The following SIPA1L3 variants were observed in gnomAD, a reference collection of about 807,000 sequenced individuals.
SIPA1L3 encodes the protein signal induced proliferation associated 1 like 3.
In SIPA1L3, 59 loss-of-function variants were observed where a neutral mutation model predicts 150.1. The observed-to-expected ratio is 0.39, with a 90% CI of 0.32 to 0.49. The LOEUF (loss-of-function observed/expected upper bound fraction) is 0.49. SIPA1L3 is among the 20% of genes least tolerant of loss of function. The pLI is 0.86. For synonymous variants in SIPA1L3, 1,070 were observed against 1,077.6 expected (o/e 0.99, Z 0.14); for missense variants, 2,211 against 2,489.5 (o/e 0.89, Z 2.38).
At chr19:38,084,689 G>C (rs145741040) in intron 3 of SIPA1L3, among the ~76,000 whole-genome samples, 256 of 146,992 alleles carry the variant, frequency 1.7e-3, no homozygotes, top group African/African-American at 5.9e-3. Context: ...GCCCAGGCTG[G>C]AGTACAGTGG....
intron 2 of SIPA1L3, among the ~76,000 whole-genome samples, chr19:38,066,869 C>T (rs1254118805): frequency 6.6e-6 from 1 of 151,732 alleles, no homozygotes; most frequent in Non-Finnish European, 1.5e-5. Context: ...GAATGCACAC[C>T]TAAAATGTTG....
At chr19:38,058,564 C>A (rs897880148) in intron 2 of SIPA1L3, among the ~76,000 whole-genome samples, 25 of 152,164 alleles carry the variant, frequency 1.6e-4, no homozygotes, top group African/African-American at 2.4e-4. Context: ...CCCCAGGCAG[C>A]CCGCAATGTT....
At chr19:37,983,905 C>CAAAAA (rs397859822) in intron 1 of SIPA1L3, among the ~76,000 whole-genome samples, 6 of 75,858 alleles carry the variant, frequency 7.9e-5, no homozygotes, top group Admixed American at 3.0e-4. Flanking sequence ...GACCCCATCT[C>CAAAAA]AAAAAAAAAA....
In SIPA1L3 at chr19:37,954,606, G is replaced by T. The variant is rs2046792742; in HGVS notation, c.-379+47248G>T. On this transcript the variant is annotated intron_variant, in intron 1 of 21. Transcript: ENST00000222345. ...AAAACACTGTTTTCAAGATACTCCT[G>T]TATCTGTTAAGTTTCCGTAAACCCC... 1.3e-5 allele frequency among the ~76,000 whole-genome samples: 2 copies of T among 152,096 alleles called. 1 individual carries two copies. The highest frequency in any genetic ancestry group is 1.3e-4 in the Admixed American group (2 of 15,276).
chr19:38,027,335 T>G (rs1193796573), intron 1 of SIPA1L3, among the ~76,000 whole-genome samples: 1 of 152,146 alleles, frequency 6.6e-6, no homozygotes, highest in Non-Finnish European at 1.5e-5. Flanking sequence ...TTCACCAGGT[T>G]GCCAGTAGGA....
intron 1 of SIPA1L3, among the ~76,000 whole-genome samples, chr19:38,005,557 G>A (rs7257338): frequency 1.3e-4 from 20 of 152,014 alleles, no homozygotes; most frequent in African/African-American, 4.1e-4. Flanking sequence ...GGGTTGCTCC[G>A]AAGCCCACCC....
intron 1 of SIPA1L3, among the ~76,000 whole-genome samples, chr19:37,953,696 C>T (rs1392231026): frequency 6.6e-6 from 1 of 152,210 alleles, no homozygotes; most frequent in African/African-American, 2.4e-5. Flanking sequence ...TTTGAGGCCC[C>T]TGAAAGCTGG....
At position 38,197,802 on chromosome 19, in the gene SIPA1L3, C is replaced by T. The variant is rs1235385831; in HGVS notation, c.4841-587C>T. On this transcript the variant is annotated intron_variant, in intron 18 of 21. Transcript: ENST00000222345. ...TGTCCTATCACGGCCCCACCCTGGT[C>T]CTGCCCAGCATCACCGTCTCCATTG... Among the ~76,000 whole-genome samples, 4 of 152,120 alleles carry T rather than the reference C, an allele frequency of 2.6e-5. No individual in the cohort carries two copies. In the East Asian group the frequency reaches 7.7e-4, roughly 29 times the overall value.
chr19:38,050,806 C>A (rs1296898200), intron 2 of SIPA1L3, among the ~76,000 whole-genome samples: 1 of 152,120 alleles, frequency 6.6e-6, no homozygotes, highest in Admixed American at 6.5e-5. Context: ...TGCTTGTAAT[C>A]TCAGCACTTT....
chr19:38,101,711 A>G (rs1024572554), intron 6 of SIPA1L3, among the ~76,000 whole-genome samples: 1 of 152,110 alleles, frequency 6.6e-6, no homozygotes, highest in African/African-American at 2.4e-5. Context: ...ACGCCTGGCC[A>G]TGTGCAGCCA....
At chr19:38,092,849 T>G (rs1241382769) in intron 4 of SIPA1L3, among the ~76,000 whole-genome samples, 2 of 144,602 alleles carry the variant, frequency 1.4e-5, no homozygotes, top group African/African-American at 5.1e-5. Context: ...GGCAGGTGCT[T>G]AGATTTTTTT....
chr19:38,122,957 G>T (rs920145971), intron 9 of SIPA1L3, among the ~76,000 whole-genome samples: 4 of 152,202 alleles, frequency 2.6e-5, no homozygotes, highest in Non-Finnish European at 4.4e-5. Flanking sequence ...CATCTGCCAT[G>T]CACTGTGTGT....
chr19:38,201,652 A>G (rs940230879), intron 19 of SIPA1L3, among the ~76,000 whole-genome samples: 1 of 152,140 alleles, frequency 6.6e-6, no homozygotes, highest in Non-Finnish European at 1.5e-5. Flanking sequence ...GAAAGCCTCG[A>G]TCGGAATCAG....
intron 1 of SIPA1L3, among the ~76,000 whole-genome samples, chr19:37,958,268 A>G (rs2046828498): frequency 6.6e-6 from 1 of 152,046 alleles, no homozygotes. Flanking sequence ...ACCCTGCTCT[A>G]TAAAAAATTA....
At chr19:37,958,070 A>G (rs2046826748) in intron 1 of SIPA1L3, among the ~76,000 whole-genome samples, 1 of 152,118 alleles carries the variant, frequency 6.6e-6, no homozygotes, top group East Asian at 1.9e-4. Context: ...ACTTTGTATG[A>G]TTTCAGTCCT....
chr19:38,131,406 G>A (rs1971303189), intron 10 of SIPA1L3, among the ~76,000 whole-genome samples: 1 of 152,142 alleles, frequency 6.6e-6, no homozygotes, highest in Non-Finnish European at 1.5e-5. Flanking sequence ...AGCTGGCCAG[G>A]GCACAGCCTC....
chr19:38,197,193 C>T (rs1485767964), intron 18 of SIPA1L3, among the ~76,000 whole-genome samples: 1 of 152,080 alleles, frequency 6.6e-6, no homozygotes, highest in Non-Finnish European at 1.5e-5. Context: ...AGAGGAGGTG[C>T]CGGGAATGCA....
intron 1 of SIPA1L3, among the ~76,000 whole-genome samples, chr19:37,938,718 G>C (rs1273783132): frequency 6.6e-6 from 1 of 151,196 alleles, no homozygotes; most frequent in Non-Finnish European, 1.5e-5. Context: ...CACCTGCTGG[G>C]TTCAAGCAAT....
At chr19:38,205,430 T>G (rs1263459616) in intron 21 of SIPA1L3, among the ~76,000 whole-genome samples, 2 of 147,876 alleles carry the variant, frequency 1.4e-5, no homozygotes, top group Non-Finnish European at 3.0e-5. Flanking sequence ...GCACTCCAGC[T>G]TGGGCGACAA....
Sources: gnomAD v4.1 joint callset for allele counts (sites outside exome capture counted in the v4.1 genomes callset) on GRCh38, gnomAD v4.1.1 for gene constraint, MANE v1.5 for transcripts, NCBI Gene and HGNC (gene_info 2026-07-23, HGNC 2026-07-21) for gene names.